The following FSHR variants were observed in gnomAD, a reference collection of about 807,000 sequenced individuals.
The protein encoded by FSHR is follicle-stimulating hormone receptor.
In FSHR, 46 loss-of-function variants were observed where a neutral mutation model predicts 52.1. The observed-to-expected ratio is 0.88, with a 90% CI of 0.70 to 1.13. The LOEUF (loss-of-function observed/expected upper bound fraction) is 1.13, where lower values mean the gene tolerates loss of function less well. FSHR is among the 50% of genes most tolerant of loss of function. The probability of loss-of-function intolerance (pLI) is 0.00; values close to 1 mark genes in which losing one functional copy is unlikely to be tolerated. For synonymous variants in FSHR, 399 were observed against 309.6 expected (o/e 1.29, Z -3.03); for missense variants, 964 against 834.6 (o/e 1.16, Z -1.91).
At position 48,990,577 on chromosome 2, in the gene FSHR, T is replaced by A. The variant is rs1445938375; in HGVS notation, c.435A>T (p.Gln145His). 1 of 1,609,874 alleles carries A rather than the reference T, an allele frequency of 6.2e-7. No homozygotes were observed. ...AGGAAAAAACTTACAGTAAAACTTTTTGGAGAGAATGAATCTTGTGAACAT... is the reference window on the plus strand; with the variant it reads ...AGGAAAAAACTTACAGTAAAACTTTATGGAGAGAATGAATCTTGTGAACAT... ...LPDVHKIHSL[Q>H]KVLLDIQDNI... is the part of the protein sequence containing the mutation. Residue 145 changes from glutamine (Q) to histidine (H), a missense_variant, in exon 5 of 10, where the codon CAA (glutamine) becomes CAT (histidine). Gln to His is a conservative substitution (Grantham distance 24). Coordinates refer to ENST00000406846, the MANE Select transcript of FSHR (RefSeq NM_000145.4).
chr2:49,105,318 T>G (rs188519120), intron 1 of FSHR, among the ~76,000 whole-genome samples: 139 of 152,242 alleles, frequency 9.1e-4, no homozygotes, highest in Admixed American at 1.9e-3. Flanking sequence ...CATGTTGCAC[T>G]GATAAACTCC....
At chr2:49,144,764 G>T (rs1672810129) in intron 1 of FSHR, among the ~76,000 whole-genome samples, 1 of 152,088 alleles carries the variant, frequency 6.6e-6, no homozygotes, top group Non-Finnish European at 1.5e-5. Flanking sequence ...AGTGGCAAGG[G>T]TTTGTTGTTG....
At chr2:49,143,056 C>T (rs1672747184) in intron 1 of FSHR, among the ~76,000 whole-genome samples, 1 of 152,116 alleles carries the variant, frequency 6.6e-6, no homozygotes, top group Admixed American at 6.6e-5. Flanking sequence ...AGAAATGGCA[C>T]ACATATTCTG....
chr2:49,080,010 C>T (rs1389521047), intron 1 of FSHR, among the ~76,000 whole-genome samples: 4 of 151,988 alleles, frequency 2.6e-5, no homozygotes, highest in Non-Finnish European at 5.9e-5. Flanking sequence ...AAGAGAAATA[C>T]AAACAACCCA....
chr2:49,069,232 G>A (rs1317871597), intron 1 of FSHR, among the ~76,000 whole-genome samples: 3 of 151,992 alleles, frequency 2.0e-5, no homozygotes, highest in East Asian at 1.9e-4. Context: ...TCCTGGTCTT[G>A]CCGTGGTATC....
chr2:49,022,567 T>C (rs1450050879), intron 2 of FSHR, among the ~76,000 whole-genome samples: 1 of 152,220 alleles, frequency 6.6e-6, no homozygotes, highest in East Asian at 1.9e-4. Context: ...TACTCTGTAA[T>C]CCTTTTGACA....
intron 2 of FSHR, among the ~76,000 whole-genome samples, chr2:49,061,444 CTG>C (rs1669284387): frequency 6.6e-6 from 1 of 150,502 alleles, no homozygotes; most frequent in African/African-American, 2.4e-5. Flanking sequence ...GGGTCAAAAA[CTG>C]TAAAAAGAGA....
chr2:48,986,456 T>C (rs1326485700), intron 6 of FSHR, among the ~76,000 whole-genome samples: 1 of 145,928 alleles, frequency 6.9e-6, no homozygotes, highest in Non-Finnish European at 1.5e-5. Flanking sequence ...CACCCCTGCA[T>C]CGAAGCTGCC....
chr2:48,993,505 C>A (rs1479161234), intron 4 of FSHR, among the ~76,000 whole-genome samples: 1 of 152,120 alleles, frequency 6.6e-6, no homozygotes, highest in African/African-American at 2.4e-5. Flanking sequence ...CCACTGACAC[C>A]ATTCCCAAAA....
intron 1 of FSHR, among the ~76,000 whole-genome samples, chr2:49,098,779 A>G (rs1670918687): frequency 6.8e-6 from 1 of 147,002 alleles, no homozygotes; most frequent in South Asian, 2.1e-4. Flanking sequence ...TTTATATTAT[A>G]TACTTATAAT....
chr2:49,144,140 G>A (rs533259545), intron 1 of FSHR, among the ~76,000 whole-genome samples: 14 of 152,132 alleles, frequency 9.2e-5, no homozygotes, highest in Non-Finnish European at 1.8e-4. Context: ...CCAGAATGCT[G>A]GTAGTCAGGA....
intron 1 of FSHR, among the ~76,000 whole-genome samples, chr2:49,142,161 A>G (rs751986576): frequency 1.9e-4 from 29 of 152,206 alleles, no homozygotes; most frequent in Non-Finnish European, 2.9e-5. Context: ...ACTATTCAAC[A>G]TGTTGAAATC....
At chr2:49,002,332 A>G (rs936124227) in intron 4 of FSHR, among the ~76,000 whole-genome samples, 10 of 152,082 alleles carry the variant, frequency 6.6e-5, no homozygotes, top group African/African-American at 2.4e-4. Context: ...TCTCTTTACA[A>G]TAACCTTTTG....
At chr2:49,033,625 T>C (rs1668178280) in intron 2 of FSHR, among the ~76,000 whole-genome samples, 2 of 152,074 alleles carry the variant, frequency 1.3e-5, no homozygotes, top group South Asian at 2.1e-4. Flanking sequence ...GAGCCTGGCA[T>C]ACAGCATCAT....
chr2:49,080,209 G>A (rs920296196), intron 1 of FSHR, among the ~76,000 whole-genome samples: 8 of 152,272 alleles, frequency 5.3e-5, no homozygotes, highest in Admixed American at 5.2e-4. Context: ...TATCCATGCT[G>A]GTGAGGCAGT....
chr2:49,090,797 C>T (rs1240562578), intron 1 of FSHR, among the ~76,000 whole-genome samples: 8 of 152,208 alleles, frequency 5.3e-5, no homozygotes, highest in African/African-American at 1.9e-4. Flanking sequence ...TTGTTTTGAG[C>T]TGTTCTGATA....
intron 6 of FSHR, among the ~76,000 whole-genome samples, chr2:48,987,014 T>C (rs985169494): frequency 6.6e-6 from 1 of 152,148 alleles, no homozygotes; most frequent in Non-Finnish European, 1.5e-5. Flanking sequence ...GAACATATAT[T>C]TCAAGAAAGA....
At chr2:49,046,962 G>C (rs913149974) in intron 2 of FSHR, among the ~76,000 whole-genome samples, 1 of 152,130 alleles carries the variant, frequency 6.6e-6, no homozygotes, top group East Asian at 1.9e-4. Context: ...TGTGAACCTT[G>C]ATAAATTTCT....
chr2:49,110,253 C>A (rs1016268437), intron 1 of FSHR, among the ~76,000 whole-genome samples: 2 of 152,130 alleles, frequency 1.3e-5, no homozygotes, highest in Non-Finnish European at 2.9e-5. Flanking sequence ...TAGGAACAAT[C>A]TCCATCCACA....
Sources: gnomAD v4.1 joint callset for allele counts (sites outside exome capture counted in the v4.1 genomes callset) on GRCh38, gnomAD v4.1.1 for gene constraint, MANE v1.5 for transcripts, NCBI Gene and HGNC (gene_info 2026-07-23, HGNC 2026-07-21) for gene names.